The following ARIH1 variants were observed in gnomAD, a reference collection of about 807,000 sequenced individuals.
The protein encoded by ARIH1 is ariadne RBR E3 ubiquitin protein ligase 1, also known as E3 ubiquitin-protein ligase ARIH1.
In ARIH1, 8 loss-of-function variants were observed where a neutral mutation model predicts 85.0. The ratio of observed to expected loss-of-function variants is 0.09; its 90% CI spans 0.06 to 0.17. The LOEUF is 0.17. ARIH1 is among the 10% of genes least tolerant of loss of function. The probability of loss-of-function intolerance (pLI) is 1.00; values close to 1 mark genes in which losing one functional copy is unlikely to be tolerated. For missense variants in ARIH1, 311 were observed against 718.1 expected (o/e 0.43, Z 6.48); for synonymous variants, 238 against 253.6 (o/e 0.94, Z 0.59).
At chr15:72,499,000 A>G (rs1339848249) in intron 1 of ARIH1, among the ~76,000 whole-genome samples, 5 of 35,034 alleles carry the variant, frequency 1.4e-4, no homozygotes, top group African/African-American at 1.1e-3. Context: ...TTTTTTTTTG[A>G]GACAAAGTCT....
intron 11 of ARIH1, among the ~76,000 whole-genome samples, chr15:72,573,327 G>T (rs1005077094): frequency 6.6e-6 from 1 of 152,118 alleles, no homozygotes; most frequent in Non-Finnish European, 1.5e-5. Context: ...TTGGGAGGCC[G>T]AGGCAGGCGG....
At chr15:72,495,530 A>C (rs909991675) in intron 1 of ARIH1, among the ~76,000 whole-genome samples, 1 of 152,224 alleles carries the variant, frequency 6.6e-6, no homozygotes, top group African/African-American at 2.4e-5. Context: ...AAGAATATAC[A>C]AATGGTTAGA....
chr15:72,502,346 G>C (rs904251856), intron 1 of ARIH1, among the ~76,000 whole-genome samples: 3 of 152,182 alleles, frequency 2.0e-5, no homozygotes, highest in Non-Finnish European at 2.9e-5. Context: ...GCAAAGCCCA[G>C]ATGTGTCATT....
Position 72,561,567 on chromosome 15 carries a change from C to CT in ARIH1, c.804+20dup. 7.0e-7 allele frequency: 1 copy of CT among 1,437,694 alleles called. No individual in the cohort carries two copies. Among genetic ancestry groups the CT allele is most frequent in the Non-Finnish European group, 9.6e-7 (1 of 1,045,222 alleles). The allele number at this position is 1,437,694 out of a possible 1,614,324, so 89.1% of individuals were successfully genotyped here. Reference sequence around the variant, plus strand: ...TTGTAGAGGTAAGTGATTTGTTTTCCTTCTTGTAAGAAGGAATTCTGTTTA... The same window carrying CT: ...TTGTAGAGGTAAGTGATTTGTTTTCCTTTCTTGTAAGAAGGAATTCTGTTTA... On this transcript the variant is annotated intron_variant, in intron 6 of 13. Coordinates refer to ENST00000379887, the MANE Select transcript of ARIH1 (RefSeq NM_005744.5).
Position 72,582,010 on chromosome 15 carries a change from C to A in ARIH1, c.1477-65C>A. ...TGAGAGCAGTCTGTAGTCAACAAAA[C>A]AGTGAAAATGGTTTATCTTTTAGCT... On this transcript the variant is annotated intron_variant, in intron 12 of 13. Coordinates refer to ENST00000379887, the MANE Select transcript of ARIH1 (RefSeq NM_005744.5). The surrounding 1 kb of genome is among the most constrained non-coding windows in gnomAD (Gnocchi z 4.6). 1 of 1,136,094 alleles carries A rather than the reference C, an allele frequency of 8.8e-7. No individual in the cohort carries two copies. Among genetic ancestry groups the A allele is most frequent in the Admixed American group, 1.9e-5 (1 of 52,490 alleles). 70.4% of individuals were successfully genotyped at this position (1,136,094 alleles called of 1,614,324 possible). A position where few individuals can be genotyped will look rare whatever the true frequency, so the allele number is the denominator to read the frequency against.
rs1177781521 is a variant in ARIH1 at position 72,474,814 on chromosome 15, G to A, written c.175G>A (p.Asp59Asn). 2 of 1,479,094 alleles carry A rather than the reference G, an allele frequency of 1.4e-6. No individual in the cohort carries two copies. Among genetic ancestry groups the A allele is most frequent in the Non-Finnish European group, 1.8e-6 (2 of 1,111,484 alleles). The allele number at this position is 1,479,094 out of a possible 1,614,324, so 91.6% of individuals were successfully genotyped here. The change falls in exon 1 of 14, where the codon GAC becomes AAC. Residue 59 changes from aspartate (D) to asparagine (N), a missense_variant. Coordinates refer to ENST00000379887, the MANE Select transcript of ARIH1 (RefSeq NM_005744.5). ...CGGGCTGGGCGTCGGCGGGGAGCGG[G>A]ACGGACTGCTGTGCGGGGAGACGGG... ...EPGLGVGGER[D>N]GLLCGETGGG...
intron 5 of ARIH1, among the ~76,000 whole-genome samples, chr15:72,561,142 A>C (rs2064195814): frequency 6.6e-6 from 1 of 152,230 alleles, no homozygotes; most frequent in Non-Finnish European, 1.5e-5. Context: ...TGCTGTCTTA[A>C]GGCATGATAT....
chr15:72,552,335 T>C (rs754198912), intron 3 of ARIH1, among the ~76,000 whole-genome samples: 40 of 152,218 alleles, frequency 2.6e-4, no homozygotes, highest in Admixed American at 4.6e-4. Context: ...GTCATCAGGC[T>C]GGAGTGCAAA....
At chr15:72,566,292 C>A in intron 7 of ARIH1, 2 of 413,330 alleles carry the variant, frequency 4.8e-6, no homozygotes, top group South Asian at 4.3e-5. Flanking sequence ...TCTGAGGCAC[C>A]TTAGCAACAA....
Position 72,586,083 on chromosome 15 carries a change from T to C in ARIH1, c.*2791T>C, listed in dbSNP as rs528151450. 6.6e-6 allele frequency: 1 copy of C among 152,296 alleles called. No homozygotes were observed. Among genetic ancestry groups the C allele is most frequent in the South Asian group, 2.1e-4 (1 of 4,830 alleles). 9.4% of individuals were successfully genotyped at this position (152,296 alleles called of 1,614,324 possible). On this transcript the variant is annotated 3_prime_UTR_variant, in exon 14 of 14. Coordinates refer to ENST00000379887, the MANE Select transcript of ARIH1 (RefSeq NM_005744.5). ...CAGGACACAAACCACAGTGGTAAAA[T>C]TGAGTAGCATATAATATCAGACTAA...
At chr15:72,579,001 C>T (rs1394238985) in intron 11 of ARIH1, among the ~76,000 whole-genome samples, 2 of 151,498 alleles carry the variant, frequency 1.3e-5, no homozygotes, top group Non-Finnish European at 2.9e-5. Flanking sequence ...CCCAGGCTGG[C>T]TCAAACTCCT....
Position 72,474,681 on chromosome 15 carries a change from C to G in ARIH1, c.42C>G (p.Asp14Glu). 2.5e-6 allele frequency: 4 copies of G among 1,573,236 alleles called. No individual in the cohort carries two copies. The highest frequency in any genetic ancestry group is 1.7e-4 in the Middle Eastern group (1 of 5,934). ...DEGYNYEFDE[D>E]EECSEEDSGA... ...GCTACAACTACGAGTTCGACGAGGACGAGGAGTGCAGTGAGGAGGACAGCG... is the reference window on the plus strand; with the variant it reads ...GCTACAACTACGAGTTCGACGAGGAGGAGGAGTGCAGTGAGGAGGACAGCG... The change falls in exon 1 of 14, where the codon GAC becomes GAG. Residue 14 changes from aspartate (D) to glutamate (E), a missense_variant. Asp to Glu is a conservative substitution (Grantham distance 45). Coordinates refer to ENST00000379887, the MANE Select transcript of ARIH1 (RefSeq NM_005744.5).
intron 2 of ARIH1, among the ~76,000 whole-genome samples, chr15:72,534,289 T>C (rs1214509941): frequency 1.3e-5 from 2 of 151,952 alleles, no homozygotes; most frequent in Non-Finnish European, 2.9e-5. Flanking sequence ...TATTTAGGTG[T>C]AATTATTAAA....
intron 1 of ARIH1, among the ~76,000 whole-genome samples, chr15:72,504,161 TC>T (rs1276906079): frequency 6.6e-6 from 1 of 152,192 alleles, no homozygotes; most frequent in African/African-American, 2.4e-5. Context: ...TTCAAGCGAT[TC>T]TCCTGCCTCA....
chr15:72,570,206 G>A lies in ARIH1; in HGVS notation c.1056G>A (p.Glu352=). The change falls in exon 10 of 14, where the codon GAG becomes GAA. Residue 352 remains glutamate (E), a synonymous_variant. Transcript: ENST00000379887. ...KECPKCHVTI[E]KDGGCNHMVC... is the part of the protein sequence containing the mutation. ...GTCCCAAATGCCATGTCACAATTGAGAAGGATGGTGGTTGTAATCACATGG... is the reference window on the plus strand; with the variant it reads ...GTCCCAAATGCCATGTCACAATTGAAAAGGATGGTGGTTGTAATCACATGG... 1 of 1,614,092 alleles carries A rather than the reference G, an allele frequency of 6.2e-7. No individual in the cohort carries two copies. The highest frequency in any genetic ancestry group is 2.2e-5 in the East Asian group (1 of 44,868).
intron 1 of ARIH1, among the ~76,000 whole-genome samples, chr15:72,476,440 C>A (rs1181460881): frequency 6.6e-6 from 1 of 152,222 alleles, no homozygotes; most frequent in Admixed American, 6.5e-5. Context: ...TCTCTGCTCA[C>A]TGCAACCTCC....
rs71397247 is a variant in ARIH1 at position 72,515,302 on chromosome 15, C to T, written c.376-2765C>T. Among the ~76,000 whole-genome samples, 679 of 152,250 alleles carry T rather than the reference C, an allele frequency of 4.5e-3. 2 individuals carry two copies. The highest frequency in any genetic ancestry group is 7.9e-3 in the Non-Finnish European group (536 of 68,022). ...TGGGAGCCGAGATCGTGCCATTGCA[C>T]TCCAGCCTGGTCAGCAAGAGTGGAA... On this transcript the variant is annotated intron_variant, in intron 1 of 13. Coordinates refer to ENST00000379887, the MANE Select transcript of ARIH1 (RefSeq NM_005744.5).
chr15:72,477,619 T>C (rs1259821987), intron 1 of ARIH1, among the ~76,000 whole-genome samples: 1 of 152,212 alleles, frequency 6.6e-6, no homozygotes, highest in Admixed American at 6.5e-5. Context: ...AGGTTTGGTC[T>C]TCAAATAAGT....
chr15:72,564,201 G>A (rs999101088), intron 7 of ARIH1, among the ~76,000 whole-genome samples: 3 of 152,124 alleles, frequency 2.0e-5, no homozygotes, highest in East Asian at 1.9e-4. Context: ...GCTAAGCTGC[G>A]TCTTCAACAC....
Sources: allele counts gnomAD v4.1 joint callset (sites outside exome capture counted in the v4.1 genomes callset), GRCh38; gene constraint gnomAD v4.1.1; non-coding constraint Gnocchi (gnomAD v3.1); transcripts MANE v1.5; gene names NCBI Gene and HGNC (gene_info 2026-07-23, HGNC 2026-07-21).